The following ACSL6 variants were observed in gnomAD, a reference collection of about 807,000 sequenced individuals.
ACSL6 encodes the protein acyl-CoA synthetase long chain family member 6.
Under a neutral mutation model 98.2 loss-of-function variants are expected in ACSL6, and 47 were observed. The observed-to-expected ratio is 0.48, with a 90% confidence interval of 0.38 to 0.61. The LOEUF is 0.61. ACSL6 is among the 20% of genes least tolerant of loss of function. The probability of loss-of-function intolerance (pLI) is 0.00; values close to 1 mark genes in which losing one functional copy is unlikely to be tolerated. For synonymous variants in ACSL6, 362 were observed against 336.9 expected (o/e 1.07, Z -0.82); for missense variants, 761 against 913.4 (o/e 0.83, Z 2.15).
chr5:131,988,280 A>G lies in ACSL6; in HGVS notation c.653-54T>C, dbSNP rs574913149. 16 of 1,591,832 alleles carry G rather than the reference A, an allele frequency of 1.0e-5. No individual in the cohort carries two copies. In the African/African-American group the frequency reaches 1.3e-4, roughly 13 times the overall value. Reference sequence around the variant, plus strand: ...CCATGTGGGCCCAGGTCATGAGTGCAGGCAGCATGTGCCAGGCAGCACATG... The same window carrying G: ...CCATGTGGGCCCAGGTCATGAGTGCGGGCAGCATGTGCCAGGCAGCACATG... On this transcript the variant is annotated intron_variant, in intron 6 of 20. Transcript: ENST00000651883.
intron 1 of ACSL6, among the ~76,000 whole-genome samples, chr5:131,996,092 C>T (rs899719597): frequency 6.6e-5 from 10 of 152,206 alleles, no homozygotes; most frequent in Non-Finnish European, 1.5e-4. Context: ...ACTCATCAGC[C>T]ACCCACAGGC....
chr5:131,970,118 C>T lies in ACSL6; in HGVS notation c.1507+10G>A. On this transcript the variant is annotated intron_variant, in intron 15 of 20. Transcript: ENST00000651883. ...TCGCGAGCCAGTCCTATATCTCTAG[C>T]CCATCCTACCTGAGGTCCAGTCGCC... The T allele has an allele frequency of 6.2e-7, 1 of 1,613,978 alleles. No individual in the cohort carries two copies. The highest frequency in any genetic ancestry group is 2.2e-5 in the East Asian group (1 of 44,884).
intron 6 of ACSL6, chr5:131,988,432 C>A: frequency 7.3e-7 from 1 of 1,374,214 alleles, no homozygotes; most frequent in South Asian, 1.3e-5. Context: ...GCCATGGAAC[C>A]TCCTCAAGCA....
At chr5:131,959,826 G>GTCCCTTA in intron 19 of ACSL6, 1 of 574,870 alleles carries the variant, frequency 1.7e-6, no homozygotes, top group Non-Finnish European at 3.1e-6. Context: ...ACCATGAATG[G>GTCCCTTA]GCTAAGGGAC....
At chr5:131,966,075 T>G (rs1479049638) in intron 17 of ACSL6, among the ~76,000 whole-genome samples, 1 of 152,202 alleles carries the variant, frequency 6.6e-6, no homozygotes, top group Non-Finnish European at 1.5e-5. Flanking sequence ...CTTGCCCTTC[T>G]CAGACGTCCT....
At chr5:131,955,705 T>A (rs1472364569) in intron 20 of ACSL6, among the ~76,000 whole-genome samples, 2 of 152,224 alleles carry the variant, frequency 1.3e-5, no homozygotes, top group African/African-American at 4.8e-5. Context: ...GCTCAATTTT[T>A]ATATAAGATG....
At chr5:131,975,130 G>A (rs949875218) in intron 10 of ACSL6, 160 bp from the exon 11 acceptor site, 1 of 1,415,794 alleles carries the variant, frequency 7.1e-7, no homozygotes, top group Admixed American at 2.9e-5. Flanking sequence ...TGAGATGAAA[G>A]AGAGAAGAAA....
intron 1 of ACSL6, among the ~76,000 whole-genome samples, chr5:132,004,558 A>G (rs1424934187): frequency 1.3e-5 from 2 of 152,210 alleles, no homozygotes; most frequent in African/African-American, 4.8e-5. Flanking sequence ...TGGGCCACAC[A>G]GTATCTTCAT....
intron 1 of ACSL6, chr5:131,994,787 C>G: frequency 5.8e-6 from 1 of 172,286 alleles, no homozygotes; most frequent in Non-Finnish European, 1.3e-5. Context: ...GGGGGCAGGG[C>G]AAAGACCGCA....
At chr5:132,009,654 C>T (rs551146360) in intron 1 of ACSL6, among the ~76,000 whole-genome samples, 6 of 152,300 alleles carry the variant, frequency 3.9e-5, no homozygotes, top group African/African-American at 1.2e-4. Context: ...TCCTGCTTGA[C>T]GGTTCTGAGG....
Position 131,990,102 on chromosome 5 carries a change from C to T in ACSL6, c.448G>A (p.Glu150Lys). ...KQPYQWLSYQ[E>K]VADRAEFLGS... ...GGGGCCTGTCCTGTATCACTCACCT[C>T]CTGGTAGGACAGCCACTGGTAAGGC... The change falls in exon 4 of 21, where the codon GAG becomes AAG. Residue 150 changes from glutamate (E) to lysine (K), a missense_variant and splice_region_variant. Transcript: ENST00000651883. 1 of 1,613,722 alleles carries T rather than the reference C, an allele frequency of 6.2e-7. No individual in the cohort carries two copies. Among genetic ancestry groups the T allele is most frequent in the Non-Finnish European group, 8.5e-7 (1 of 1,179,942 alleles).
chr5:131,959,766 A>G (rs573935327), intron 19 of ACSL6, 159 bp from the exon 20 acceptor site: 24 of 666,022 alleles, frequency 3.6e-5, no homozygotes, highest in Admixed American at 2.4e-4. Context: ...CAACACTCCA[A>G]TTACCACCTC....
intron 20 of ACSL6, among the ~76,000 whole-genome samples, chr5:131,956,792 A>G (rs1327719950): frequency 1.3e-5 from 2 of 152,148 alleles, no homozygotes; most frequent in African/African-American, 4.8e-5. Flanking sequence ...GAACTTTTTA[A>G]AAAAAGGTAT....
chr5:131,989,480 G>T lies in ACSL6; in HGVS notation c.479C>A (p.Ser160Tyr). 1 of 1,613,402 alleles carries T rather than the reference G, an allele frequency of 6.2e-7. No individual in the cohort carries two copies. The highest frequency in any genetic ancestry group is 1.1e-5 in the South Asian group (1 of 91,060). The part of the protein sequence containing the change: ...EVADRAEFLG[S>Y]GLLQHNCKAC... ...TTTACAATTGTGCTGGAGAAGTCCG[G>T]ACCCCAGAAATTCAGCCCTGTCGGC... Residue 160 changes from serine (S) to tyrosine (Y), a missense_variant, in exon 5 of 21, where the codon TCC (serine) becomes TAC (tyrosine). Physicochemically the swap from Ser to Tyr is moderately radical, Grantham distance 144. Coordinates refer to ENST00000651883, the MANE Select transcript of ACSL6 (RefSeq NM_001009185.3).
chr5:131,966,468 G>C lies in ACSL6; in HGVS notation c.1661C>G (p.Ala554Gly). Reference sequence around the variant, plus strand: ...GTGAAGCCAGCCATCGCTGTCCAGGGCCTCCTTCGTCCTGTCTGGATCTTT... The same window carrying C: ...GTGAAGCCAGCCATCGCTGTCCAGGCCCTCCTTCGTCCTGTCTGGATCTTT... ...YLKDPDRTKE[A>G]LDSDGWLHTG... is the part of the protein sequence containing the mutation. The change falls in exon 17 of 21, where the codon GCC becomes GGC. Residue 554 changes from alanine (A) to glycine (G), a missense_variant. Physicochemically the swap from Ala to Gly is moderately conservative, Grantham distance 60 (BLOSUM62 0). Coordinates refer to ENST00000651883, the MANE Select transcript of ACSL6 (RefSeq NM_001009185.3). 1.2e-6 allele frequency: 2 copies of C among 1,614,150 alleles called. No homozygotes were observed. The highest frequency in any genetic ancestry group is 1.7e-6 in the Non-Finnish European group (2 of 1,180,018).
intron 14 of ACSL6, 42 bp downstream of exon 14, chr5:131,971,508 A>G: frequency 6.6e-7 from 1 of 1,525,808 alleles, no homozygotes; most frequent in South Asian, 1.3e-5. Flanking sequence ...TGCCCTAACG[A>G]ACTTCCTGCT....
chr5:131,991,520 T>C (rs993831363), intron 2 of ACSL6, among the ~76,000 whole-genome samples: 3 of 152,048 alleles, frequency 2.0e-5, no homozygotes, highest in Non-Finnish European at 2.9e-5. Flanking sequence ...CCTAGGAGGC[T>C]AGGGAGGGAG....
At chr5:131,988,711 T>TA (rs1402977598) in intron 6 of ACSL6, 94 bp downstream of exon 6, 1 of 1,566,212 alleles carries the variant, frequency 6.4e-7, no homozygotes, top group Non-Finnish European at 8.8e-7. Context: ...AAGTGCCTCT[T>TA]ACGAGTGTCA....
intron 9 of ACSL6, chr5:131,984,130 C>T (rs932924192): frequency 6.6e-6 from 1 of 152,242 alleles, no homozygotes; most frequent in African/African-American, 2.4e-5. Context: ...CTCTGGATGT[C>T]AGCTCCTGGA....
Sources: gnomAD v4.1 joint callset for allele counts (sites outside exome capture counted in the v4.1 genomes callset) on GRCh38, gnomAD v4.1.1 for gene constraint, MANE v1.5 for transcripts, NCBI Gene and HGNC (gene_info 2026-07-23, HGNC 2026-07-21) for gene names.